B3GLCT: variants seen among roughly 807,000 people sequenced by gnomAD.
B3GLCT encodes the protein beta-1,3-glucosyltransferase.
Under a neutral mutation model 63.4 loss-of-function variants are expected in B3GLCT, and 65 were observed. The ratio of observed to expected loss-of-function variants is 1.03; its 90% CI spans 0.84 to 1.26. B3GLCT has a LOEUF of 1.26. Ranked by LOEUF, B3GLCT falls within the 50% of genes most tolerant of loss-of-function variation. The pLI is 0.00. For missense variants in B3GLCT, 577 were observed against 604.8 expected, an observed-to-expected ratio of 0.95 and a Z score of 0.48; for synonymous variants, 233 against 219.2, an observed-to-expected ratio of 1.06 and a Z score of -0.55.
chr13:31,268,094 C>A (rs956052132), intron 7 of B3GLCT, among the ~76,000 whole-genome samples: 1 of 151,994 alleles, frequency 6.6e-6, no homozygotes, highest in Admixed American at 6.5e-5. Flanking sequence ...AGTCCTCCTG[C>A]CTTTGCCTCC....
chr13:31,238,509 C>A (rs1430087829), intron 4 of B3GLCT, among the ~76,000 whole-genome samples: 1 of 152,218 alleles, frequency 6.6e-6, no homozygotes, highest in Non-Finnish European at 1.5e-5. Context: ...TGCAGAGTAT[C>A]ATTCTAAGTT....
At chr13:31,309,378 C>T (rs920623191) in intron 12 of B3GLCT, among the ~76,000 whole-genome samples, 1 of 152,198 alleles carries the variant, frequency 6.6e-6, no homozygotes, top group Non-Finnish European at 1.5e-5. Context: ...TGGGTGTCCT[C>T]CAATTCAGTT....
chr13:31,206,712 G>A lies in B3GLCT; in HGVS notation c.70+6558G>A, dbSNP rs555939940. ...AGATCATGCCATTGCACTCCAGCCC[G>A]GGCGACAGTGCGAGACTCCATCTCA... On this transcript the variant is annotated intron_variant, in intron 1 of 14. Coordinates refer to ENST00000343307, the MANE Select transcript of B3GLCT (RefSeq NM_194318.4). 2.6e-5 allele frequency among the ~76,000 whole-genome samples: 4 copies of A among 152,092 alleles called. No individual in the cohort carries two copies. The East Asian group carries it at 5.8e-4, about 22-fold the overall frequency.
intron 12 of B3GLCT, among the ~76,000 whole-genome samples, chr13:31,295,597 C>T (rs1358612297): frequency 5.3e-5 from 8 of 152,208 alleles, no homozygotes; most frequent in Non-Finnish European, 1.0e-4. Flanking sequence ...AACTTTTAGA[C>T]AGCTTTGTTT....
chr13:31,231,673 G>A (rs182609846), intron 4 of B3GLCT, among the ~76,000 whole-genome samples: 68 of 152,294 alleles, frequency 4.5e-4, no homozygotes, highest in Non-Finnish European at 8.1e-4. Context: ...GCACCTTCGA[G>A]CAGGGCAGTG....
intron 12 of B3GLCT, 145 bp from the exon 13 acceptor site, chr13:31,317,421 A>G (rs1875098867): frequency 3.3e-6 from 3 of 914,178 alleles, no homozygotes; most frequent in Admixed American, 4.1e-5. Context: ...AATTTTATTT[A>G]TTTTATAAGT....
intron 6 of B3GLCT, among the ~76,000 whole-genome samples, chr13:31,255,996 A>G (rs1393621209): frequency 6.6e-6 from 1 of 152,216 alleles, no homozygotes; most frequent in Non-Finnish European, 1.5e-5. Context: ...CTATCATCAG[A>G]CCAAACATGC....
chr13:31,235,877 T>C (rs1320002314), intron 4 of B3GLCT, among the ~76,000 whole-genome samples: 1 of 152,180 alleles, frequency 6.6e-6, no homozygotes, highest in Non-Finnish European at 1.5e-5. Context: ...TTCTGTGAAT[T>C]TGATTTTTCT....
At chr13:31,239,958 G>A (rs1870846417) in intron 4 of B3GLCT, among the ~76,000 whole-genome samples, 1 of 152,172 alleles carries the variant, frequency 6.6e-6, no homozygotes, top group East Asian at 1.9e-4. Context: ...CAAGGCCAGG[G>A]TCTTGCTTGC....
chr13:31,255,172 G>A (rs1172896025), intron 6 of B3GLCT, among the ~76,000 whole-genome samples: 1 of 152,056 alleles, frequency 6.6e-6, no homozygotes, highest in Admixed American at 6.6e-5. Flanking sequence ...CAGACAGAGA[G>A]CCAAATCATG....
intron 4 of B3GLCT, among the ~76,000 whole-genome samples, chr13:31,237,318 A>G (rs1012339168): frequency 1.1e-4 from 16 of 150,458 alleles, no homozygotes; most frequent in African/African-American, 3.9e-4. Flanking sequence ...TTAAAGAGGC[A>G]GGAGGGCTCC....
chr13:31,234,698 CAGGCTTCTCTGG>C (rs1159028420), intron 4 of B3GLCT, among the ~76,000 whole-genome samples: 1 of 152,086 alleles, frequency 6.6e-6, no homozygotes, highest in Non-Finnish European at 1.5e-5. Flanking sequence ...TCTGGGGAGC[CAGGCTTCTCTGG>C]GGGCTTCTCT....
At chr13:31,313,272 G>A (rs941199980) in intron 12 of B3GLCT, among the ~76,000 whole-genome samples, 1 of 152,190 alleles carries the variant, frequency 6.6e-6, no homozygotes, top group Admixed American at 6.5e-5. Flanking sequence ...AAGATATCTT[G>A]GTGAATAATT....
At chr13:31,282,636 T>A (rs922258405) in intron 10 of B3GLCT, among the ~76,000 whole-genome samples, 1 of 114,796 alleles carries the variant, frequency 8.7e-6, no homozygotes, top group Admixed American at 1.1e-4. Flanking sequence ...AGCGAGAGAG[T>A]GAGACTCTGT....
At position 31,225,091 on chromosome 13, in the gene B3GLCT, C is replaced by T. The variant is rs117740489; in HGVS notation, c.160+2100C>T. ...GCATTGCATTGGCCCTTTAGGTATC[C>T]TTTGCTAATTTCTTTATCTTCCCCT... On this transcript the variant is annotated intron_variant, in intron 3 of 14. Transcript: ENST00000343307. Among the ~76,000 whole-genome samples, 159 of 152,322 alleles carry T rather than the reference C, an allele frequency of 1.0e-3. No individual in the cohort carries two copies. In the East Asian group the frequency reaches 0.029, roughly 28 times the overall value.
intron 1 of B3GLCT, among the ~76,000 whole-genome samples, chr13:31,213,633 C>CCCCCT (rs1555244552): frequency 7.9e-6 from 1 of 126,450 alleles, no homozygotes; most frequent in Non-Finnish European, 1.7e-5. Flanking sequence ...CCCCCCCCCC[C>CCCCCT]GCCAAAACTC....
intron 6 of B3GLCT, among the ~76,000 whole-genome samples, chr13:31,254,789 C>T (rs566997104): frequency 8.5e-5 from 13 of 152,282 alleles, no homozygotes; most frequent in African/African-American, 2.9e-4. Context: ...CAGGGACTCA[C>T]ACCTGTAATC....
At chr13:31,319,733 T>C (rs1034598904) in intron 13 of B3GLCT, among the ~76,000 whole-genome samples, 1 of 152,220 alleles carries the variant, frequency 6.6e-6, no homozygotes, top group South Asian at 2.1e-4. Context: ...CCTAGAACTC[T>C]GCTGGCCTCT....
At chr13:31,320,830 C>T (rs1019275338) in intron 13 of B3GLCT, among the ~76,000 whole-genome samples, 8 of 152,318 alleles carry the variant, frequency 5.3e-5, no homozygotes, top group Middle Eastern at 3.4e-3. Flanking sequence ...TCGCTGGTCT[C>T]TGCATACCAT....
Sources: gnomAD v4.1 joint callset for allele counts (sites outside exome capture counted in the v4.1 genomes callset) on GRCh38, gnomAD v4.1.1 for gene constraint, MANE v1.5 for transcripts, NCBI Gene and HGNC (gene_info 2026-07-23, HGNC 2026-07-21) for gene names.